The following POU6F2 variants were observed in gnomAD, a reference collection of about 807,000 sequenced individuals.
The protein encoded by POU6F2 is POU class 6 homeobox 2.
A neutral mutation model predicts 71.3 loss-of-function variants in POU6F2; 31 were observed. The observed-to-expected ratio is 0.43, with a 90% CI of 0.33 to 0.59. The LOEUF is 0.59. POU6F2 is among the 20% of genes least tolerant of loss of function. POU6F2 has a pLI of 0.04. For missense variants in POU6F2, 783 were observed against 856.8 expected (o/e 0.91, Z 1.07); for synonymous variants, 347 against 355.7 (o/e 0.98, Z 0.27).
chr7:39,328,199 G>A (rs531901672), intron 4 of POU6F2, among the ~76,000 whole-genome samples: 69 of 152,314 alleles, frequency 4.5e-4, no homozygotes, highest in African/African-American at 1.6e-3. Context: ...GATTACAGGC[G>A]TGAGCCACCG....
At chr7:39,363,049 C>T (rs1306782393) in intron 5 of POU6F2, among the ~76,000 whole-genome samples, 3 of 152,068 alleles carry the variant, frequency 2.0e-5, no homozygotes, top group Non-Finnish European at 4.4e-5. Context: ...ACACGAACAC[C>T]CGTAGATGCT....
At chr7:39,443,449 T>A (rs1788456332) in intron 7 of POU6F2, among the ~76,000 whole-genome samples, 1 of 152,242 alleles carries the variant, frequency 6.6e-6, no homozygotes, top group Non-Finnish European at 1.5e-5. Flanking sequence ...CTGTCCCTCT[T>A]GCTCAAGGCA....
intron 5 of POU6F2, among the ~76,000 whole-genome samples, chr7:39,382,771 C>T (rs1454206468): frequency 2.0e-5 from 3 of 152,150 alleles, no homozygotes; most frequent in African/African-American, 7.2e-5. Flanking sequence ...GTCAGAAAAG[C>T]TTGAATGTAC....
intron 7 of POU6F2, among the ~76,000 whole-genome samples, chr7:39,439,448 T>C (rs1788337042): frequency 6.6e-6 from 1 of 152,210 alleles, no homozygotes; most frequent in African/African-American, 2.4e-5. Flanking sequence ...AGTTTCTTCA[T>C]AGTGTCATTG....
Position 39,227,616 on chromosome 7 carries a change from G to A in POU6F2, c.598+19996G>A, listed in dbSNP as rs113025525. On this transcript the variant is annotated intron_variant, in intron 4 of 9. Coordinates refer to ENST00000518318, the MANE Select transcript of POU6F2 (RefSeq NM_001370959.1). Reference sequence around the variant, plus strand: ...GTCACCCAGGCTGGAGTGCAGTGGCGCGATCTCAGCTCACTGCAACCTCTG... The same window carrying A: ...GTCACCCAGGCTGGAGTGCAGTGGCACGATCTCAGCTCACTGCAACCTCTG... 8.4e-3 allele frequency among the ~76,000 whole-genome samples: 1,240 copies of A among 148,328 alleles called. 16 individuals carry two copies. Among genetic ancestry groups the A allele is most frequent in the African/African-American group, 0.029 (1,186 of 40,336 alleles).
At position 39,172,868 on chromosome 7, in the gene POU6F2, G is replaced by A. The variant is rs575843237; in HGVS notation, c.278-31367G>A. On this transcript the variant is annotated intron_variant, in intron 2 of 9. Transcript: ENST00000518318. ...ACTCCTGGGCTCAAATGATCCACCC[G>A]CCTCGGCCTCCCAAAGTGCTGTGCC... is the stretch of plus-strand genomic sequence containing the variant. 1.4e-4 allele frequency among the ~76,000 whole-genome samples: 21 copies of A among 151,926 alleles called. 1 individual carries two copies. In the South Asian group the frequency reaches 3.3e-3, roughly 24 times the overall value.
At chr7:39,167,795 G>T (rs1793143077) in intron 2 of POU6F2, among the ~76,000 whole-genome samples, 1 of 151,436 alleles carries the variant, frequency 6.6e-6, no homozygotes, top group Non-Finnish European at 1.5e-5. Context: ...TATATATATA[G>T]ATATATTTTA....
chr7:39,432,096 C>T (rs112817976), intron 6 of POU6F2, among the ~76,000 whole-genome samples: 2 of 152,346 alleles, frequency 1.3e-5, no homozygotes, highest in African/African-American at 4.8e-5. Flanking sequence ...ACAATATGGT[C>T]TCTATGTCCA....
At chr7:39,359,795 C>A (rs368763851) in intron 5 of POU6F2, among the ~76,000 whole-genome samples, 22 of 152,058 alleles carry the variant, frequency 1.4e-4, no homozygotes, top group East Asian at 5.8e-4. Context: ...GTTGCTTAAT[C>A]CTAAAATTAA....
At chr7:39,299,957 CCTT>C (rs1432689457) in intron 4 of POU6F2, among the ~76,000 whole-genome samples, 2 of 152,190 alleles carry the variant, frequency 1.3e-5, no homozygotes, top group African/African-American at 4.8e-5. Flanking sequence ...GGCAGAGACT[CCTT>C]CTCAGCATCC....
At chr7:39,138,443 A>G (rs527883272) in intron 2 of POU6F2, among the ~76,000 whole-genome samples, 9 of 152,274 alleles carry the variant, frequency 5.9e-5, no homozygotes, top group African/African-American at 1.9e-4. Context: ...ACTCTTCATC[A>G]CTCACATTAC....
At chr7:39,085,188 T>G (rs1791212012) in intron 1 of POU6F2, 1 of 152,220 alleles carries the variant, frequency 6.6e-6, no homozygotes, top group Admixed American at 6.5e-5. Context: ...TATTGTGTTG[T>G]GTATTATTTG....
chr7:39,030,538 A>ATATATATATG (rs1562677662), intron 1 of POU6F2, among the ~76,000 whole-genome samples: 2 of 69,660 alleles, frequency 2.9e-5, no homozygotes, highest in Non-Finnish European at 6.6e-5. Context: ...ATATATATAT[A>ATATATATATG]TATATACACA....
At chr7:39,428,825 TG>T (rs1211068848) in intron 6 of POU6F2, among the ~76,000 whole-genome samples, 6 of 151,906 alleles carry the variant, frequency 3.9e-5, no homozygotes, top group Non-Finnish European at 7.4e-5. Context: ...GGGATGTGGA[TG>T]AAGCTGGAAA....
At chr7:39,391,579 C>G (rs1217995762) in intron 5 of POU6F2, among the ~76,000 whole-genome samples, 2 of 152,086 alleles carry the variant, frequency 1.3e-5, no homozygotes, top group African/African-American at 2.4e-5. Flanking sequence ...CCCTCAAAAC[C>G]TAAATTATTC....
rs150006644 is a variant in POU6F2, at chr7:39,397,814, G to GTATATATATATATATATATATATATA, written c.973-8766_973-8765insTATATATATATATATATATATATATA. Among the ~76,000 whole-genome samples the GTATATATATATATATATATATATATA allele has an allele frequency of 3.2e-3, 416 of 128,302 alleles. 13 individuals carry two copies. The highest frequency in any genetic ancestry group is 0.011 in the African/African-American group (339 of 30,542). The allele number at this position is 128,302 out of a possible 152,430, so 84.2% of individuals were successfully genotyped here. A position where few individuals can be genotyped will look rare whatever the true frequency, so the allele number is the denominator to read the frequency against. ...ATAATATGTATTTTATATATTTTGTGTATATATATATATATATATAGTAGA... is the reference window on the plus strand; with the variant it reads ...ATAATATGTATTTTATATATTTTGTGTATATATATATATATATATATATATATATATATATATATATATATAGTAGA... On this transcript the variant is annotated intron_variant, in intron 5 of 9. Transcript: ENST00000518318.
chr7:39,051,058 A>G (rs920061853), intron 1 of POU6F2, among the ~76,000 whole-genome samples: 6 of 152,244 alleles, frequency 3.9e-5, no homozygotes, highest in Admixed American at 3.9e-4. Context: ...CTTAGATCCC[A>G]CAGGCCACCA....
Position 39,240,915 on chromosome 7 carries a change from G to C in POU6F2, c.598+33295G>C, listed in dbSNP as rs138133375. On this transcript the variant is annotated intron_variant, in intron 4 of 9. Coordinates refer to ENST00000518318, the MANE Select transcript of POU6F2 (RefSeq NM_001370959.1). ...TCAAAAGGGAGACAGCATCTTTATTGGCTCATTTATTGGCATTTTTATTGG... is the reference window on the plus strand; with the variant it reads ...TCAAAAGGGAGACAGCATCTTTATTCGCTCATTTATTGGCATTTTTATTGG... Among the ~76,000 whole-genome samples the C allele has an allele frequency of 6.9e-3, 1,045 of 152,168 alleles. 7 individuals are homozygous for C. The highest frequency in any genetic ancestry group is 0.01 in the Non-Finnish European group (699 of 67,988).
chr7:38,998,064 AT>A (rs1470010690), intron 1 of POU6F2, among the ~76,000 whole-genome samples: 6 of 152,166 alleles, frequency 3.9e-5, no homozygotes, highest in Non-Finnish European at 8.8e-5. Context: ...AACAGAGAAT[AT>A]TCTTTGCAAA....
Sources: allele counts gnomAD v4.1 joint callset (sites outside exome capture counted in the v4.1 genomes callset), GRCh38; gene constraint gnomAD v4.1.1; transcripts MANE v1.5; gene names NCBI Gene and HGNC (gene_info 2026-07-23, HGNC 2026-07-21).